PIAS2: variants seen among roughly 807,000 people sequenced by gnomAD.
PIAS2 encodes the protein protein inhibitor of activated STAT 2.
Under a neutral mutation model 69.7 loss-of-function variants are expected in PIAS2, and 19 were observed. That is an observed-to-expected ratio of 0.27 (90% CI 0.19 to 0.40). PIAS2 has a LOEUF of 0.40. Ranked by LOEUF, PIAS2 falls within the 10% of genes least tolerant of loss-of-function variation. The probability of loss-of-function intolerance (pLI) is 1.00; values close to 1 mark genes in which losing one functional copy is unlikely to be tolerated. For missense variants in PIAS2, 624 were observed against 757.0 expected (o/e 0.82, Z 2.06); for synonymous variants, 261 against 263.2 (o/e 0.99, Z 0.08).
chr18:46,891,795 G>A lies in PIAS2; in HGVS notation c.25-741C>T, dbSNP rs1041069891. 6 of 177,578 alleles carry A rather than the reference G, an allele frequency of 3.4e-5. No homozygotes were observed. In the East Asian group the frequency reaches 5.7e-4, roughly 17 times the overall value. The allele number at this position is 177,578 out of a possible 1,614,324, so 11.0% of individuals were successfully genotyped here. Reference sequence around the variant, plus strand: ...CTACTCTACTGGCTTGTGCTTGGGCGTAAAACAAAGGTTATAAGCAGTTGC... The same window carrying A: ...CTACTCTACTGGCTTGTGCTTGGGCATAAAACAAAGGTTATAAGCAGTTGC... On this transcript the variant is annotated intron_variant, in intron 1 of 13. Transcript: ENST00000585916.
chr18:46,901,289 C>T, intron 1 of PIAS2: 1 of 370,546 alleles, frequency 2.7e-6, no homozygotes, highest in Non-Finnish European at 5.4e-6. Context: ...CATGCCTGTA[C>T]TCCCAGCTAC....
At chr18:46,899,864 T>C (rs530600010) in intron 1 of PIAS2, among the ~76,000 whole-genome samples, 39 of 152,006 alleles carry the variant, frequency 2.6e-4, no homozygotes, top group Middle Eastern at 6.8e-3. Flanking sequence ...ACTATCAAAT[T>C]TGTGAGGTTA....
upstream of PIAS2, chr18:46,917,731 C>G (rs187474834): frequency 1.4e-3 from 334 of 233,382 alleles, 1 homozygote; most frequent in African/African-American, 7.5e-3. Flanking sequence ...AGCTGGGTCG[C>G]AACTGAGGCG....
At chr18:46,824,181 A>G (rs1302453053) in intron 11 of PIAS2, among the ~76,000 whole-genome samples, 1 of 152,330 alleles carries the variant, frequency 6.6e-6, no homozygotes, top group East Asian at 1.9e-4. Flanking sequence ...ATTCCGGATT[A>G]TATGCTGGAT....
intron 3 of PIAS2, among the ~76,000 whole-genome samples, chr18:46,862,650 T>TATATACACATATATATACACAC (rs1322628587): frequency 3.3e-5 from 5 of 152,102 alleles, no homozygotes; most frequent in Non-Finnish European, 7.3e-5. Context: ...TATATACACA[T>TATATACACATATATATACACAC]ATATACACAT....
chr18:46,813,479 T>C (rs2041188631), intron 13 of PIAS2, among the ~76,000 whole-genome samples: 1 of 152,320 alleles, frequency 6.6e-6, no homozygotes, highest in East Asian at 1.9e-4. Flanking sequence ...ACGACTGCAC[T>C]GACTTTAGTA....
chr18:46,883,633 G>A (rs1178093140), intron 2 of PIAS2, among the ~76,000 whole-genome samples: 7 of 152,120 alleles, frequency 4.6e-5, no homozygotes. Context: ...GACCCCAGGA[G>A]TTCAAGACCA....
At chr18:46,841,627 C>T (rs1186898669) in intron 8 of PIAS2, among the ~76,000 whole-genome samples, 1 of 152,168 alleles carries the variant, frequency 6.6e-6, no homozygotes, top group Non-Finnish European at 1.5e-5. Flanking sequence ...TTTATGTTAA[C>T]ACTACTACTA....
At chr18:46,848,788 T>TGA (rs60707180) in intron 5 of PIAS2, among the ~76,000 whole-genome samples, 59 of 146,274 alleles carry the variant, frequency 4.0e-4, no homozygotes, top group African/African-American at 1.2e-3. Context: ...TGTGTGTGTG[T>TGA]GAGAGAGAGA....
At chr18:46,891,282 T>G (rs1321860491) in intron 1 of PIAS2, 3 of 638,778 alleles carry the variant, frequency 4.7e-6, no homozygotes, top group Non-Finnish European at 8.5e-6. Flanking sequence ...ATCTTAATTT[T>G]GGTAATCTAT....
At chr18:46,819,556 G>A (rs953680438) in intron 12 of PIAS2, among the ~76,000 whole-genome samples, 4 of 151,862 alleles carry the variant, frequency 2.6e-5, no homozygotes, top group African/African-American at 7.3e-5. Context: ...AAATTATACC[G>A]AGCCAATTAT....
chr18:46,901,021 A>G (rs912920943), intron 1 of PIAS2: 11 of 412,184 alleles, frequency 2.7e-5, no homozygotes, highest in Admixed American at 1.3e-4. Context: ...CAACAATTCA[A>G]TATAATTTCT....
chr18:46,851,056 T>C (rs1306948258), intron 5 of PIAS2, among the ~76,000 whole-genome samples: 1 of 152,204 alleles, frequency 6.6e-6, no homozygotes, highest in African/African-American at 2.4e-5. Context: ...CCTCTTCAAA[T>C]TGGGGTGAGT....
At chr18:46,846,436 C>A (rs2046173630) in intron 6 of PIAS2, 2 of 245,666 alleles carry the variant, frequency 8.1e-6, no homozygotes, top group Admixed American at 1.1e-4. Context: ...CACAAACATA[C>A]ATACAATTGT....
rs558623097 is a variant in PIAS2, at chr18:46,855,319, A to C, written c.726+26T>G. 140 of 1,442,408 alleles carry C rather than the reference A, an allele frequency of 9.7e-5. 1 individual carries two copies. The South Asian group carries it at 1.5e-3, about 15-fold the overall frequency. 89.4% of individuals were successfully genotyped at this position (1,442,408 alleles called of 1,614,324 possible). A position where few individuals can be genotyped will look rare whatever the true frequency, so the allele number is the denominator to read the frequency against. On this transcript the variant is annotated intron_variant, in intron 5 of 13. Coordinates refer to ENST00000585916, the MANE Select transcript of PIAS2 (RefSeq NM_004671.5). ...AGTGTTTATATTAAACTTATATGCA[A>C]ATCTGGTGAATAAAAAGCAACTTAC...
chr18:46,858,062 T>C (rs899563229), intron 3 of PIAS2, among the ~76,000 whole-genome samples: 1 of 152,112 alleles, frequency 6.6e-6, no homozygotes, highest in African/African-American at 2.4e-5. Context: ...TGAATTGAAC[T>C]GGCCCTTGAA....
chr18:46,844,898 C>T, intron 6 of PIAS2, 59 bp from the exon 7 acceptor site: 1 of 630,880 alleles, frequency 1.6e-6, no homozygotes, highest in South Asian at 3.1e-5. Flanking sequence ...TCTTTGTTTA[C>T]ATGAAATACT....
intron 9 of PIAS2, among the ~76,000 whole-genome samples, chr18:46,832,159 G>A (rs1249080592): frequency 6.6e-6 from 1 of 152,198 alleles, no homozygotes; most frequent in Non-Finnish European, 1.5e-5. Context: ...GCTCATGCCT[G>A]TAATCCCAGC....
rs2145670428 is a variant in PIAS2 at position 46,868,539 on chromosome 18, T to C, written c.500-4291A>G. Among the ~76,000 whole-genome samples, 2 of 152,282 alleles carry C rather than the reference T, an allele frequency of 1.3e-5. 1 individual carries two copies. Among genetic ancestry groups the C allele is most frequent in the Non-Finnish European group, 2.9e-5 (2 of 68,032 alleles). ...ATATTCAATTTTAAATGGTAGCCAA[T>C]CAGGTCAGTGTAGATTGTGCCGTCT... On this transcript the variant is annotated intron_variant, in intron 2 of 13. Coordinates refer to ENST00000585916, the MANE Select transcript of PIAS2 (RefSeq NM_004671.5).
Sources: allele counts gnomAD v4.1 joint callset (sites outside exome capture counted in the v4.1 genomes callset), GRCh38; gene constraint gnomAD v4.1.1; transcripts MANE v1.5; gene names NCBI Gene and HGNC (gene_info 2026-07-23, HGNC 2026-07-21).